CST2: variants seen among roughly 807,000 people sequenced by gnomAD.
The protein encoded by CST2 is cystatin-SA.
In CST2, 26 loss-of-function variants were observed where a neutral mutation model predicts 13.4. That is an observed-to-expected ratio of 1.95 (90% CI 1.43 to 2.70). The LOEUF (loss-of-function observed/expected upper bound fraction) is 2.70, where lower values mean the gene tolerates loss of function less well. CST2 is among the 30% of genes most tolerant of loss of function. The probability of loss-of-function intolerance (pLI) is 0.00; values close to 1 mark genes in which losing one functional copy is unlikely to be tolerated. For synonymous variants in CST2, 105 were observed against 71.1 expected, an observed-to-expected ratio of 1.48 and a Z score of -2.40; for missense variants, 243 against 173.4, an observed-to-expected ratio of 1.40 and a Z score of -2.25.
Position 23,826,265 on chromosome 20 carries a change from G to A in CST2, c.228+168C>T, listed in dbSNP as rs558080786. On this transcript the variant is annotated intron_variant, in intron 1 of 2. Transcript: ENST00000304725. Reference sequence around the variant, plus strand: ...AGAGTCAGCATAGTCTCCATCCCCCGGGAGCATGCTTAGGCATGAAGGCCA... The same window carrying A: ...AGAGTCAGCATAGTCTCCATCCCCCAGGAGCATGCTTAGGCATGAAGGCCA... 3.3e-4 allele frequency among the ~76,000 whole-genome samples: 50 copies of A among 152,296 alleles called. 2 individuals carry two copies. In the South Asian group the frequency reaches 7.0e-3, roughly 21 times the overall value.
At chr20:23,825,691 G>A (rs1224274352) in intron 1 of CST2, among the ~76,000 whole-genome samples, 1 of 152,226 alleles carries the variant, frequency 6.6e-6, no homozygotes, top group African/African-American at 2.4e-5. Context: ...TGTCATGCTT[G>A]AAAGGGAGGT....
chr20:23,824,027 T>TTCC lies in CST2; in HGVS notation c.418_419insGGA (p.Glu140delinsGlyLys). ...ACTCCCTGGCACAGATCCCTAGGCT[T>TTCC]CTTGACACCTGGAATTCACCAGGGA... On this transcript the variant is annotated protein_altering_variant, in exon 3 of 3. Coordinates refer to ENST00000304725, the MANE Select transcript of CST2 (RefSeq NM_001322.3). 6.2e-7 allele frequency: 1 copy of TTCC among 1,614,046 alleles called. No homozygotes were observed. The highest frequency in any genetic ancestry group is 1.3e-5 in the African/African-American group (1 of 75,022).
chr20:23,824,213 G>A (rs867960784), intron 2 of CST2, 110 bp from the exon 3 acceptor site: 9 of 1,078,216 alleles, frequency 8.3e-6, no homozygotes, highest in African/African-American at 3.1e-5. Flanking sequence ...TGAGACACTG[G>A]GCCCTCACCC....
chr20:23,824,183 C>A, intron 2 of CST2, 80 bp from the exon 3 acceptor site: 6 of 1,449,702 alleles, frequency 4.1e-6, no homozygotes, highest in Middle Eastern at 1.7e-4. Context: ...ATGTCACAGC[C>A]TGAGTGAGGA....
chr20:23,825,210 C>G lies in CST2; in HGVS notation c.342G>C (p.Lys114Asn). Reference protein sequence around the residue: ...CAFHEQPELQKKQLCSFQIYE... With the variant: ...CAFHEQPELQNKQLCSFQIYE... ...CCTGGGACCCGCATCAGGAACGTAC[C>G]TTCTGCAGTTCTGGCTGTTCATGGA... The change falls in exon 2 of 3, where the codon AAG (lysine) becomes AAC (asparagine). Residue 114 changes from lysine to asparagine, a missense_variant and splice_region_variant. By Grantham distance (94) the Lys-to-Asn change is moderately conservative (BLOSUM62 0). Transcript: ENST00000304725. 1.2e-6 allele frequency: 2 copies of G among 1,614,144 alleles called. No homozygotes were observed. The highest frequency in any genetic ancestry group is 2.2e-5 in the South Asian group (2 of 91,074).
chr20:23,826,639 G>T lies in CST2; in HGVS notation c.22C>A (p.Leu8Met). The T allele has an allele frequency of 1.2e-6, 2 of 1,607,622 alleles. No homozygotes were observed. The highest frequency in any genetic ancestry group is 1.7e-6 in the Non-Finnish European group (2 of 1,177,486). ...GCCTGGGTGGCCAGCAGGAGCAGCA[G>T]GGTGCACAGGGGCCAGGCCATGGTC... MAWPLCT[L>M]LLLLATQAVA... The change falls in exon 1 of 3, where the codon CTG becomes ATG. Residue 8 changes from leucine to methionine, a missense_variant. Transcript: ENST00000304725.
rs1366696843 is a variant in CST2, at chr20:23,823,885, G to A, written c.*135C>T. 4.4e-6 allele frequency: 4 copies of A among 913,246 alleles called. No individual in the cohort carries two copies. The highest frequency in any genetic ancestry group is 1.7e-5 in the African/African-American group (1 of 60,176). 56.6% of individuals were successfully genotyped at this position (913,246 alleles called of 1,614,324 possible). Reference sequence around the variant, plus strand: ...CCCTGCTGAGCAACAAAGGCCTCCTGCAGCCTTCTCTGTCTTCTCCTGCTG... The same window carrying A: ...CCCTGCTGAGCAACAAAGGCCTCCTACAGCCTTCTCTGTCTTCTCCTGCTG... On this transcript the variant is annotated 3_prime_UTR_variant, in exon 3 of 3. Coordinates refer to ENST00000304725, the MANE Select transcript of CST2 (RefSeq NM_001322.3).
Position 23,826,491 on chromosome 20 carries a change from T to C in CST2, c.170A>G (p.Lys57Arg), listed in dbSNP as rs1256270496. ...ALHFVISEYN[K>R]ATEDEYYRRL... ...TCTGTAGTACTCATCTTCAGTGGCC[T>C]TGTTATACTCGCTGATGACAAAGTG... Residue 57 changes from lysine (K) to arginine (R), a missense_variant, in exon 1 of 3, where the codon AAG (lysine) becomes AGG (arginine). By Grantham distance (26) the Lys-to-Arg change is conservative. Coordinates refer to ENST00000304725, the MANE Select transcript of CST2 (RefSeq NM_001322.3). 1.9e-6 allele frequency: 3 copies of C among 1,614,078 alleles called. No individual in the cohort carries two copies. The highest frequency in any genetic ancestry group is 1.3e-5 in the African/African-American group (1 of 74,930).
chr20:23,823,920 G>A lies in CST2; in HGVS notation c.*100C>T, dbSNP rs920980807. On this transcript the variant is annotated 3_prime_UTR_variant, in exon 3 of 3. Coordinates refer to ENST00000304725, the MANE Select transcript of CST2 (RefSeq NM_001322.3). ...CTGTCTTCTCCTGCTGCAGGTGCAT[G>A]GGGAGACCTCCCACAGGGTGGGGGC... 37 of 1,150,912 alleles carry A rather than the reference G, an allele frequency of 3.2e-5. No homozygotes were observed. The African/African-American group carries it at 4.9e-4, about 15-fold the overall frequency. The allele number at this position is 1,150,912 out of a possible 1,614,324, so 71.3% of individuals were successfully genotyped here. A position where few individuals can be genotyped will look rare whatever the true frequency, so the allele number is the denominator to read the frequency against.
chr20:23,825,380 A>G (rs1984802042), intron 1 of CST2, 57 bp from the exon 2 acceptor site: 2 of 1,573,820 alleles, frequency 1.3e-6, no homozygotes, highest in African/African-American at 1.3e-5. Context: ...TCATGCACTC[A>G]CAGGCACTTC....
intron 1 of CST2, among the ~76,000 whole-genome samples, chr20:23,826,156 C>A (rs1984829388): frequency 6.6e-6 from 1 of 152,282 alleles, no homozygotes; most frequent in African/African-American, 2.4e-5. Flanking sequence ...AGCGAAGTTC[C>A]TGTGTGGCCC....
chr20:23,824,728 C>T (rs1984771889), intron 2 of CST2, among the ~76,000 whole-genome samples: 1 of 152,034 alleles, frequency 6.6e-6, no homozygotes, highest in African/African-American at 2.4e-5. Flanking sequence ...CCCCTTCTCC[C>T]TGCCCAGCAC....
At chr20:23,826,148 C>T (rs149822607) in intron 1 of CST2, among the ~76,000 whole-genome samples, 2 of 152,240 alleles carry the variant, frequency 1.3e-5, no homozygotes, top group Middle Eastern at 3.4e-3. Flanking sequence ...GAACAGGAAG[C>T]GAAGTTCCTG....
At position 23,826,403 on chromosome 20, in the gene CST2, C is replaced by G. The variant is rs568853009; in HGVS notation, c.228+30G>C. 7.8e-5 allele frequency: 125 copies of G among 1,598,098 alleles called. 1 individual carries two copies. In the East Asian group the frequency reaches 2.7e-3, roughly 34 times the overall value. On this transcript the variant is annotated intron_variant, in intron 1 of 2. Coordinates refer to ENST00000304725, the MANE Select transcript of CST2 (RefSeq NM_001322.3). Reference sequence around the variant, plus strand: ...TCGGGCAACAAACAAGGCTGGGACTCAGGACCCCTCAGGTGGAGGCAGCAC... The same window carrying G: ...TCGGGCAACAAACAAGGCTGGGACTGAGGACCCCTCAGGTGGAGGCAGCAC...
At chr20:23,824,347 C>A (rs959647889) in intron 2 of CST2, among the ~76,000 whole-genome samples, 1 of 152,166 alleles carries the variant, frequency 6.6e-6, no homozygotes, top group African/African-American at 2.4e-5. Context: ...CCTGTCCCAG[C>A]ACAGCCCTGT....
chr20:23,825,112 GCA>G (rs147586657), intron 2 of CST2, 96 bp downstream of exon 2: 12 of 1,370,654 alleles, frequency 8.8e-6, no homozygotes, highest in African/African-American at 2.8e-5. Flanking sequence ...ATACCCACCT[GCA>G]CACACACACC....
intron 2 of CST2, 127 bp downstream of exon 2, chr20:23,825,083 T>A: frequency 7.9e-7 from 1 of 1,266,128 alleles, no homozygotes; most frequent in East Asian, 2.3e-5. Flanking sequence ...TATACATCCA[T>A]GCATACATGA....
In CST2 at chr20:23,826,668, T is replaced by C; in HGVS notation, c.-8A>G. ...GCACAGGGGCCAGGCCATGGTCTCC[T>C]CGGAGGCAGAGCACAGAGCTGGAGC... On this transcript the variant is annotated 5_prime_UTR_variant, in exon 1 of 3. Transcript: ENST00000304725. The C allele has an allele frequency of 1.9e-6, 3 of 1,589,976 alleles. No homozygotes were observed. The highest frequency in any genetic ancestry group is 2.6e-6 in the Non-Finnish European group (3 of 1,168,734).
chr20:23,824,549 C>T (rs7267902), intron 2 of CST2, among the ~76,000 whole-genome samples: 1 of 152,162 alleles, frequency 6.6e-6, no homozygotes, highest in Non-Finnish European at 1.5e-5. Flanking sequence ...GGGAGTGTGG[C>T]TCTCCCCTGA....
Sources: allele counts gnomAD v4.1 joint callset (sites outside exome capture counted in the v4.1 genomes callset), GRCh38; gene constraint gnomAD v4.1.1; transcripts MANE v1.5; gene names NCBI Gene and HGNC (gene_info 2026-07-23, HGNC 2026-07-21).